Variants in TTF2 observed in about 807,000 individuals in gnomAD.
The protein encoded by TTF2 is transcription termination factor 2.
A neutral mutation model predicts 142.4 loss-of-function variants in TTF2; 108 were observed. The ratio of observed to expected loss-of-function variants is 0.76; its 90% CI spans 0.65 to 0.89. The LOEUF is 0.89. Ranked by LOEUF, TTF2 falls within the 40% of genes least tolerant of loss-of-function variation. TTF2 has a pLI of 0.00. For missense variants in TTF2, 1,327 were observed against 1,379.8 expected (o/e 0.96, Z 0.61); for synonymous variants, 483 against 506.2 (o/e 0.95, Z 0.61).
At chr1:117,096,497 C>A (rs894867170) in intron 20 of TTF2, among the ~76,000 whole-genome samples, 198 bp downstream of exon 20, 1 of 152,174 alleles carries the variant, frequency 6.6e-6, no homozygotes, top group African/African-American at 2.4e-5. Context: ...CCTGCCTCAG[C>A]CTTTCAAGTA....
intron 4 of TTF2, among the ~76,000 whole-genome samples, 155 bp from the exon 5 acceptor site, chr1:117,074,715 C>T (rs1656848107): frequency 6.6e-6 from 1 of 151,248 alleles, no homozygotes; most frequent in Admixed American, 6.6e-5. Context: ...ATCTATTGGG[C>T]ACTATGCTCA....
chr1:117,081,024 A>G (rs549563013), intron 9 of TTF2, among the ~76,000 whole-genome samples: 6 of 152,374 alleles, frequency 3.9e-5, no homozygotes, highest in African/African-American at 1.4e-4. Context: ...CAGGTGTTCA[A>G]CATAAACCAT....
intron 13 of TTF2, among the ~76,000 whole-genome samples, 183 bp downstream of exon 13, chr1:117,089,165 T>C (rs1648315955): frequency 6.6e-6 from 1 of 151,908 alleles, no homozygotes; most frequent in African/African-American, 2.4e-5. Flanking sequence ...GATTGGTTGA[T>C]ATAGGACTTT....
Position 117,097,640 on chromosome 1 carries a change from G to T in TTF2, c.3269+207G>T, listed in dbSNP as rs1426201945. ...TTCCTGAGCTAGCAAGCCTTCAAAT[G>T]ACTACTCAAAATAGTTCATTCACGT... On this transcript the variant is annotated intron_variant, in intron 21 of 22. Transcript: ENST00000369466. The surrounding 1 kb of genome is among the most constrained non-coding windows in gnomAD (Gnocchi z 4.1). 1.3e-5 allele frequency among the ~76,000 whole-genome samples: 2 copies of T among 152,180 alleles called. No homozygotes were observed. The highest frequency in any genetic ancestry group is 2.9e-5 in the Non-Finnish European group (2 of 68,024).
Position 117,076,947 on chromosome 1 carries a change from G to C in TTF2, c.1573+124G>C. 1.3e-6 allele frequency: 1 copy of C among 787,792 alleles called. No individual in the cohort carries two copies. Among genetic ancestry groups the C allele is most frequent in the South Asian group, 2.1e-5 (1 of 46,996 alleles). The allele number at this position is 787,792 out of a possible 1,614,324, so 48.8% of individuals were successfully genotyped here. On this transcript the variant is annotated intron_variant, in intron 7 of 22. Coordinates refer to ENST00000369466, the MANE Select transcript of TTF2 (RefSeq NM_003594.4). The surrounding 1 kb of genome is among the most constrained non-coding windows in gnomAD (Gnocchi z 4.6). ...CTTAGTCACCTGTGGTTCAAAAAAAGGTGAGTACAGTACAGTAAGATATTT... is the reference window on the plus strand; with the variant it reads ...CTTAGTCACCTGTGGTTCAAAAAAACGTGAGTACAGTACAGTAAGATATTT...
chr1:117,088,406 G>A (rs1557822948), intron 12 of TTF2, among the ~76,000 whole-genome samples: 1 of 152,098 alleles, frequency 6.6e-6, no homozygotes, highest in Non-Finnish European at 1.5e-5. Flanking sequence ...GTGTGGTGGC[G>A]GGCGCCTGTG....
intron 10 of TTF2, 85 bp downstream of exon 10, chr1:117,082,032 A>G: frequency 1.9e-6 from 3 of 1,591,584 alleles, no homozygotes; most frequent in Non-Finnish European, 2.6e-6. Flanking sequence ...AAAAAAGGAC[A>G]CCTTTGGTCA....
rs1649943368 is a variant in TTF2 at position 117,106,358 on chromosome 1, T to C, written c.*4834T>C. 6.6e-6 allele frequency: 1 copy of C among 152,084 alleles called. No homozygotes were observed. The highest frequency in any genetic ancestry group is 1.5e-5 in the Non-Finnish European group (1 of 68,024). The allele number at this position is 152,084 out of a possible 1,614,324, so 9.4% of individuals were successfully genotyped here. Reference sequence around the variant, plus strand: ...GCAGCTACACAATGTTTTTACTATCTTGAGTTCTTTTTACCCAGATTCCAT... The same window carrying C: ...GCAGCTACACAATGTTTTTACTATCCTGAGTTCTTTTTACCCAGATTCCAT... On this transcript the variant is annotated 3_prime_UTR_variant, in exon 23 of 23. Coordinates refer to ENST00000369466, the MANE Select transcript of TTF2 (RefSeq NM_003594.4).
chr1:117,094,676 G>A (rs1308632201), intron 18 of TTF2: 1 of 487,776 alleles, frequency 2.1e-6, no homozygotes, highest in African/African-American at 2.0e-5. Context: ...TTGGCCATGT[G>A]TGTACTCACA....
rs76649583 is a variant in TTF2, at chr1:117,093,826, G to A, written c.2976+925G>A. ...AAATGCAGGTAATATTTATTCACAA[G>A]TTTTCTTAACATATGTCCATTAATA... On this transcript the variant is annotated intron_variant, in intron 18 of 22. Transcript: ENST00000369466. This position sits in a 1 kb window ranked among gnomAD's most constrained non-coding sequence, Gnocchi z 4.5. 6.6e-4 allele frequency among the ~76,000 whole-genome samples: 101 copies of A among 152,292 alleles called. No individual in the cohort carries two copies. The highest frequency in any genetic ancestry group is 2.2e-3 in the African/African-American group (93 of 41,568).
At position 117,079,499 on chromosome 1, in the gene TTF2, G is replaced by A. The variant is rs1215052292; in HGVS notation, c.1702-69G>A. ...TAGAAAATAGGAGAGTGTAGAGTTCGTGTAGCCAGGCTCGGCATAGCCTCT... is the reference window on the plus strand; with the variant it reads ...TAGAAAATAGGAGAGTGTAGAGTTCATGTAGCCAGGCTCGGCATAGCCTCT... On this transcript the variant is annotated intron_variant, in intron 8 of 22. Transcript: ENST00000369466. This position sits in a 1 kb window ranked among gnomAD's most constrained non-coding sequence, Gnocchi z 4.2. The A allele has an allele frequency of 3.8e-5, 55 of 1,440,200 alleles. No individual in the cohort carries two copies. The highest frequency in any genetic ancestry group is 3.2e-4 in the East Asian group (14 of 44,052). 89.2% of individuals were successfully genotyped at this position (1,440,200 alleles called of 1,614,324 possible).
rs903611249 is a variant in TTF2 at position 117,073,129 on chromosome 1, A to G, written c.219-532A>G. ...TGGAAGGGATCAGGTTGTTTGTCCTATAGCGTTTCCCACTGCCAAGATTTT... is the reference window on the plus strand; with the variant it reads ...TGGAAGGGATCAGGTTGTTTGTCCTGTAGCGTTTCCCACTGCCAAGATTTT... On this transcript the variant is annotated intron_variant, in intron 3 of 22. Coordinates refer to ENST00000369466, the MANE Select transcript of TTF2 (RefSeq NM_003594.4). This position sits in a 1 kb window ranked among gnomAD's most constrained non-coding sequence, Gnocchi z 4.4. Among the ~76,000 whole-genome samples, 14 of 152,184 alleles carry G rather than the reference A, an allele frequency of 9.2e-5. No individual in the cohort carries two copies. Among genetic ancestry groups the G allele is most frequent in the African/African-American group, 2.9e-4 (12 of 41,450 alleles).
chr1:117,089,250 C>CTATATATATATAT (rs1557824248), intron 13 of TTF2, among the ~76,000 whole-genome samples: 1 of 85,104 alleles, frequency 1.2e-5, no homozygotes, highest in Non-Finnish European at 2.6e-5. Flanking sequence ...AAAATATATG[C>CTATATATATATAT]AAATATATGC....
rs570518098 is a variant in TTF2, at chr1:117,068,270, CCTT to C, written c.219-5388_219-5386del. Among the ~76,000 whole-genome samples the C allele has an allele frequency of 3.5e-4, 54 of 152,252 alleles. No homozygotes were observed. In the South Asian group the frequency reaches 0.01, roughly 29 times the overall value. Reference sequence around the variant, plus strand: ...TTCTTTAAATAATTGGTTGTGGTATCCTTCTGAGCAAACTATCACAAGGACAGA... The same window carrying C: ...TTCTTTAAATAATTGGTTGTGGTATCCTGAGCAAACTATCACAAGGACAGA... On this transcript the variant is annotated intron_variant, in intron 3 of 22. Coordinates refer to ENST00000369466, the MANE Select transcript of TTF2 (RefSeq NM_003594.4).
At chr1:117,062,702 C>T (rs1655784668) in intron 3 of TTF2, among the ~76,000 whole-genome samples, 1 of 152,212 alleles carries the variant, frequency 6.6e-6, no homozygotes, top group Non-Finnish European at 1.5e-5. Flanking sequence ...CCACAATCAT[C>T]CCTCTCCAAC....
intron 15 of TTF2, 31 bp from the exon 16 acceptor site, chr1:117,091,297 A>G (rs1023876582): frequency 2.5e-6 from 4 of 1,590,372 alleles, no homozygotes; most frequent in African/African-American, 1.3e-5. Flanking sequence ...ACCATTATAC[A>G]TGCATTTTTT....
In TTF2 at chr1:117,076,860, AC is replaced by A; in HGVS notation, c.1573+41del. The A allele has an allele frequency of 5.1e-6, 8 of 1,565,122 alleles. No homozygotes were observed. The highest frequency in any genetic ancestry group is 6.9e-6 in the Non-Finnish European group (8 of 1,153,714). On this transcript the variant is annotated intron_variant, in intron 7 of 22. Coordinates refer to ENST00000369466, the MANE Select transcript of TTF2 (RefSeq NM_003594.4). The surrounding 1 kb of genome is among the most constrained non-coding windows in gnomAD (Gnocchi z 4.6). ...GGGCCTGACCCTGCTGTGAATAGCC[AC>A]CCCTGTGAGTTACGTGCCACCCGGT...
In TTF2 at chr1:117,077,942, G is replaced by T; in HGVS notation, c.1600G>T (p.Ala534Ser). Residue 534 changes from alanine to serine, a missense_variant, in exon 8 of 23, where the codon GCA (alanine) becomes TCA (serine). By Grantham distance (99) the Ala-to-Ser change is moderately conservative. Coordinates refer to ENST00000369466, the MANE Select transcript of TTF2 (RefSeq NM_003594.4). ...CCATACAAACCAAGATCACGTTCATGCAGTGTGGAAAATCACAAGTGAAGC... is the reference window on the plus strand; with the variant it reads ...CCATACAAACCAAGATCACGTTCATTCAGTGTGGAAAATCACAAGTGAAGC... ...RGHTNQDHVH[A>S]VWKITSEAIG... 2 of 1,614,194 alleles carry T rather than the reference G, an allele frequency of 1.2e-6. No individual in the cohort carries two copies. The highest frequency in any genetic ancestry group is 1.7e-6 in the Non-Finnish European group (2 of 1,180,030).
In TTF2 at chr1:117,091,340, A is replaced by G. The variant is rs1011385889; in HGVS notation, c.2601A>G (p.Gln867=). The G allele has an allele frequency of 1.2e-6, 2 of 1,613,032 alleles. No homozygotes were observed. Among genetic ancestry groups the G allele is most frequent in the African/African-American group, 1.3e-5 (1 of 74,998 alleles). ...TAATCTGAGGCAGGTCAGCTCTGCAATCCTATCTAAAAAGACATGAAAGTA... is the reference window on the plus strand; with the variant it reads ...TAATCTGAGGCAGGTCAGCTCTGCAGTCCTATCTAAAAAGACATGAAAGTA... ...VFFARSRSAL[Q]SYLKRHESRG... is the part of the protein sequence containing the mutation. Residue 867 remains glutamine (Q), a synonymous_variant, in exon 16 of 23, where the codon CAA becomes CAG. Coordinates refer to ENST00000369466, the MANE Select transcript of TTF2 (RefSeq NM_003594.4).
Sources: allele counts gnomAD v4.1 joint callset (sites outside exome capture counted in the v4.1 genomes callset), GRCh38; gene constraint gnomAD v4.1.1; non-coding constraint Gnocchi (gnomAD v3.1); transcripts MANE v1.5; gene names NCBI Gene and HGNC (gene_info 2026-07-23, HGNC 2026-07-21).